Variants in GABRG3 observed in about 807,000 individuals in gnomAD.
GABRG3 encodes the protein gamma-aminobutyric acid receptor subunit gamma-3.
GABRG3 carries 25 observed loss-of-function variants against 48.8 expected under a neutral mutation model. That is an observed-to-expected ratio of 0.51 (90% CI 0.37 to 0.72). GABRG3 has a LOEUF of 0.72. Ranked by LOEUF, GABRG3 falls within the 30% of genes least tolerant of loss-of-function variation. The probability of loss-of-function intolerance (pLI) is 0.00; values close to 1 mark genes in which losing one functional copy is unlikely to be tolerated. For synonymous variants in GABRG3, 227 were observed against 217.6 expected (o/e 1.04, Z -0.38); for missense variants, 394 against 577.9 (o/e 0.68, Z 3.26).
chr15:27,004,006 G>A (rs1318717798), intron 2 of GABRG3, among the ~76,000 whole-genome samples: 1 of 145,728 alleles, frequency 6.9e-6, no homozygotes, highest in African/African-American at 2.5e-5. Flanking sequence ...CCTCCCGGAC[G>A]GGGCGGCTGT....
In GABRG3 at chr15:27,460,282, T is replaced by C. The variant is rs73369506; in HGVS notation, c.575-20368T>C. Among the ~76,000 whole-genome samples the C allele has an allele frequency of 2.4e-3, 372 of 152,336 alleles. 1 individual carries two copies. Among genetic ancestry groups the C allele is most frequent in the African/African-American group, 8.6e-3 (356 of 41,584 alleles). On this transcript the variant is annotated intron_variant, in intron 5 of 9. Transcript: ENST00000615808. ...AAGTCTAAAAGCAGAGTAAAAACTT[T>C]CCACTCCTCTTCATGCCACCCGTGT...
chr15:27,155,119 T>C (rs1470310065), intron 3 of GABRG3, among the ~76,000 whole-genome samples: 1 of 152,146 alleles, frequency 6.6e-6, no homozygotes, highest in Non-Finnish European at 1.5e-5. Flanking sequence ...TTCTATTGTT[T>C]TATATTAAGT....
intron 5 of GABRG3, among the ~76,000 whole-genome samples, chr15:27,369,633 C>CAG (rs1566809463): frequency 1.3e-5 from 2 of 151,886 alleles, no homozygotes; most frequent in African/African-American, 2.4e-5. Context: ...CTGGCTGACA[C>CAG]TGTCTCTACT....
chr15:27,074,151 A>G (rs1896871518), intron 3 of GABRG3, among the ~76,000 whole-genome samples: 1 of 152,136 alleles, frequency 6.6e-6, no homozygotes, highest in Non-Finnish European at 1.5e-5. Context: ...AACAGTATTG[A>G]GGAAACCGCC....
Position 27,309,150 on chromosome 15 carries a change from AAC to A in GABRG3, c.271-17655_271-17654del, listed in dbSNP as rs202135825. 4.9e-4 allele frequency among the ~76,000 whole-genome samples: 52 copies of A among 106,624 alleles called. No individual in the cohort carries two copies. In the East Asian group the frequency reaches 5.2e-3, roughly 11 times the overall value. The allele number at this position is 106,624 out of a possible 152,430, so 69.9% of individuals were successfully genotyped here. A position where few individuals can be genotyped will look rare whatever the true frequency, so the allele number is the denominator to read the frequency against. On this transcript the variant is annotated intron_variant, in intron 3 of 9. Transcript: ENST00000615808. ...ATGTAAACATAGATGTTTATATAGA[AAC>A]ACATATAATGTAAACAGATGTTTAT...
chr15:27,285,881 G>A (rs60729963), intron 3 of GABRG3, among the ~76,000 whole-genome samples: 16,350 of 152,096 alleles, frequency 0.11, 2,076 homozygotes, highest in African/African-American at 0.3. Context: ...CAGTTCCTTC[G>A]TCTCTGTTGC....
intron 2 of GABRG3, among the ~76,000 whole-genome samples, chr15:26,980,681 CAAAAAAAAAAA>C (rs67711680): frequency 0.013 from 1,607 of 124,060 alleles, 51 homozygotes; most frequent in East Asian, 0.045. Context: ...TCCTCTGTCT[CAAAAAAAAAAA>C]AAAAAAAAAA....
In GABRG3 at chr15:27,113,062, A is replaced by G. The variant is rs547295502; in HGVS notation, c.270+86241A>G. On this transcript the variant is annotated intron_variant, in intron 3 of 9. Coordinates refer to ENST00000615808, the MANE Select transcript of GABRG3 (RefSeq NM_033223.5). ...GGAGGGAATCATTTATTTTGCATAT[A>G]TTTTCTCCACTGCTTTTCAGCTCTG... Among the ~76,000 whole-genome samples, 7 of 152,038 alleles carry G rather than the reference A, an allele frequency of 4.6e-5. No homozygotes were observed. In the East Asian group the frequency reaches 1.4e-3, roughly 29 times the overall value.
At position 26,975,251 on chromosome 15, in the gene GABRG3, A is replaced by G. The variant is rs992958962; in HGVS notation, c.54-1751A>G. On this transcript the variant is annotated intron_variant, in intron 1 of 9. Coordinates refer to ENST00000615808, the MANE Select transcript of GABRG3 (RefSeq NM_033223.5). This position sits in a 1 kb window ranked among gnomAD's most constrained non-coding sequence, Gnocchi z 4.6. ...TTGTAAATGTTCACTTTAATAAATA[A>G]TGAAATGCAACATATTCCTTACTGA... Among the ~76,000 whole-genome samples, 1 of 152,228 alleles carries G rather than the reference A, an allele frequency of 6.6e-6. No homozygotes were observed. The highest frequency in any genetic ancestry group is 2.4e-5 in the African/African-American group (1 of 41,458).
chr15:27,508,954 C>T (rs1351273285), intron 6 of GABRG3, among the ~76,000 whole-genome samples: 36 of 152,086 alleles, frequency 2.4e-4, no homozygotes, highest in Admixed American at 2.2e-3. Context: ...CTCCTGACCT[C>T]CTGATCCGCC....
At chr15:27,342,398 T>C (rs546340508) in intron 5 of GABRG3, among the ~76,000 whole-genome samples, 12 of 152,324 alleles carry the variant, frequency 7.9e-5, no homozygotes, top group African/African-American at 2.9e-4. Flanking sequence ...TACCCCAGCC[T>C]GTGTCTCTGG....
intron 5 of GABRG3, among the ~76,000 whole-genome samples, chr15:27,470,776 TTAATG>T (rs1044253333): frequency 6.6e-6 from 1 of 152,214 alleles, no homozygotes; most frequent in African/African-American, 2.4e-5. Context: ...AATCATTTTT[TTAATG>T]TAGACAATTT....
At chr15:27,486,675 G>T (rs540109913) in intron 6 of GABRG3, among the ~76,000 whole-genome samples, 2 of 152,184 alleles carry the variant, frequency 1.3e-5, no homozygotes, top group South Asian at 4.2e-4. Flanking sequence ...ACCCATCCAC[G>T]CACTCCTCTC....
In GABRG3 at chr15:27,532,924, T is replaced by C. The variant is rs1432046306; in HGVS notation, c.*43T>C. The C allele has an allele frequency of 6.3e-7, 1 of 1,583,780 alleles. No individual in the cohort carries two copies. Among genetic ancestry groups the C allele is most frequent in the Admixed American group, 1.7e-5 (1 of 58,796 alleles). On this transcript the variant is annotated 3_prime_UTR_variant, in exon 10 of 10. Transcript: ENST00000615808. ...GAGTGAAGAGCATTTGGTACACACT[T>C]GACCTTCTGTCGTCCCCAGACCAGT...
intron 6 of GABRG3, among the ~76,000 whole-genome samples, chr15:27,485,975 C>T (rs899537505): frequency 5.9e-5 from 9 of 152,188 alleles, no homozygotes; most frequent in African/African-American, 1.4e-4. Context: ...CATATCAAGG[C>T]TGCCCATAAT....
chr15:26,975,524 T>C lies in GABRG3; in HGVS notation c.54-1478T>C, dbSNP rs1894925592. 6.6e-6 allele frequency among the ~76,000 whole-genome samples: 1 copy of C among 152,202 alleles called. No individual in the cohort carries two copies. Among genetic ancestry groups the C allele is most frequent in the South Asian group, 2.1e-4 (1 of 4,826 alleles). On this transcript the variant is annotated intron_variant, in intron 1 of 9. Transcript: ENST00000615808. The surrounding 1 kb of genome is among the most constrained non-coding windows in gnomAD (Gnocchi z 4.6). ...TGTACATGTTCATACAGGTGTAGAC[T>C]ATCTGGCCAACACTCTAGTCTACGT...
intron 2 of GABRG3, among the ~76,000 whole-genome samples, chr15:26,985,651 A>G (rs1895137581): frequency 6.6e-6 from 1 of 151,840 alleles, no homozygotes. Flanking sequence ...GAAGCCCCCC[A>G]CTTGCATTTT....
intron 3 of GABRG3, among the ~76,000 whole-genome samples, chr15:27,087,212 A>C (rs570313065): frequency 2.0e-5 from 3 of 152,208 alleles, no homozygotes; most frequent in Non-Finnish European, 4.4e-5. Flanking sequence ...GCTGCTGCTC[A>C]GTGAGGTGCA....
intron 3 of GABRG3, among the ~76,000 whole-genome samples, chr15:27,237,222 A>T (rs1468986480): frequency 6.6e-6 from 1 of 152,254 alleles, no homozygotes; most frequent in Non-Finnish European, 1.5e-5. Context: ...ATTTAAATCC[A>T]GTGCTGACCC....
Sources: gnomAD v4.1 joint callset for allele counts (sites outside exome capture counted in the v4.1 genomes callset) on GRCh38, gnomAD v4.1.1 for gene constraint, Gnocchi (gnomAD v3.1) non-coding constraint, MANE v1.5 for transcripts, NCBI Gene and HGNC (gene_info 2026-07-23, HGNC 2026-07-21) for gene names.